Variants in WIPF1 observed in about 807,000 individuals in gnomAD.
The protein encoded by WIPF1 is WAS/WASL interacting protein family member 1, also known as WAS/WASL-interacting protein family member 1.
Under a neutral mutation model 35.4 loss-of-function variants are expected in WIPF1, and 13 were observed. That is an observed-to-expected ratio of 0.37 (90% CI 0.24 to 0.58). The LOEUF (loss-of-function observed/expected upper bound fraction) is 0.58. Ranked by LOEUF, WIPF1 falls within the 20% of genes least tolerant of loss-of-function variation. The pLI, the probability that WIPF1 is intolerant of heterozygous loss-of-function variation, is 0.74. For synonymous variants in WIPF1, 267 were observed against 266.3 expected, an observed-to-expected ratio of 1.00 and a Z score of -0.02; for missense variants, 591 against 667.0, an observed-to-expected ratio of 0.89 and a Z score of 1.25.
chr2:174,621,109 T>A (rs972292285), intron 1 of WIPF1, among the ~76,000 whole-genome samples: 3 of 152,298 alleles, frequency 2.0e-5, no homozygotes, highest in African/African-American at 7.2e-5. Context: ...CTAATGGCAG[T>A]ACGGGGAAGG....
At chr2:174,627,485 CCCTCCCTTCCTT>C (rs1201919238) in intron 1 of WIPF1, among the ~76,000 whole-genome samples, 3 of 141,238 alleles carry the variant, frequency 2.1e-5, no homozygotes, top group Admixed American at 7.4e-5. Context: ...CTCTCTTTTT[CCCTCCCTTCCTT>C]CCTCCCTTCC....
chr2:174,653,648 G>A (rs1023589991), intron 1 of WIPF1, among the ~76,000 whole-genome samples: 1 of 151,324 alleles, frequency 6.6e-6, no homozygotes, highest in African/African-American at 2.4e-5. Flanking sequence ...AGGCTGAGGC[G>A]GGAGAATGGC....
intron 1 of WIPF1, among the ~76,000 whole-genome samples, chr2:174,648,157 G>T (rs1414998924): frequency 1.3e-5 from 2 of 152,198 alleles, no homozygotes; most frequent in Non-Finnish European, 2.9e-5. Context: ...CATCTCTCGA[G>T]ATTTTATTAA....
upstream of WIPF1, among the ~76,000 whole-genome samples, chr2:174,600,940 T>C: frequency 7.1e-6 from 1 of 140,632 alleles, no homozygotes; most frequent in African/African-American, 2.7e-5. Flanking sequence ...TTTTTTTTTT[T>C]TTGAGACAGA....
At chr2:174,637,552 C>A (rs1195426569) in intron 1 of WIPF1, among the ~76,000 whole-genome samples, 1 of 152,202 alleles carries the variant, frequency 6.6e-6, no homozygotes, top group Non-Finnish European at 1.5e-5. Flanking sequence ...CTTTGGGAGG[C>A]CTAGGCGGGT....
Position 174,571,334 on chromosome 2 carries a change from C to T in WIPF1, c.1129+342G>A, listed in dbSNP as rs1684825196. The stretch of plus-strand genomic sequence containing the variant: ...GGGGACTTATTTTCCCAATTAAGAC[C>T]GCCGAAATTCTCTCTAGGGAGGCAG... On this transcript the variant is annotated intron_variant, in intron 5 of 7. Transcript: ENST00000679041. This position sits in a 1 kb window ranked among gnomAD's most constrained non-coding sequence, Gnocchi z 4.6. 1 of 518,658 alleles carries T rather than the reference C, an allele frequency of 1.9e-6. No individual in the cohort carries two copies. The highest frequency in any genetic ancestry group is 3.4e-6 in the Non-Finnish European group (1 of 294,992). 32.1% of individuals were successfully genotyped at this position (518,658 alleles called of 1,614,324 possible). A position where few individuals can be genotyped will look rare whatever the true frequency, so the allele number is the denominator to read the frequency against.
chr2:174,667,515 G>C (rs1687917581), intron 1 of WIPF1, among the ~76,000 whole-genome samples: 1 of 152,188 alleles, frequency 6.6e-6, no homozygotes, highest in South Asian at 2.1e-4. Context: ...ATAAAGAGCT[G>C]ATCTCCTCTC....
At chr2:174,580,159 A>C (rs564239608) in intron 3 of WIPF1, among the ~76,000 whole-genome samples, 1 of 151,926 alleles carries the variant, frequency 6.6e-6, no homozygotes, top group Non-Finnish European at 1.5e-5. Flanking sequence ...CAATGTTGTC[A>C]AGGCTGGTCT....
chr2:174,603,378 T>C (rs1384612339), intron 1 of WIPF1, among the ~76,000 whole-genome samples: 1 of 152,254 alleles, frequency 6.6e-6, no homozygotes, highest in Non-Finnish European at 1.5e-5. Flanking sequence ...GAGTGTTGAA[T>C]GTGACTAAGC....
chr2:174,625,179 T>C (rs1171558791), intron 1 of WIPF1, among the ~76,000 whole-genome samples: 3 of 152,182 alleles, frequency 2.0e-5, no homozygotes, highest in Admixed American at 2.0e-4. Flanking sequence ...GGAAGTTTCC[T>C]TGTGGGTTTG....
At chr2:174,608,798 C>T (rs1686253579) in intron 1 of WIPF1, among the ~76,000 whole-genome samples, 1 of 152,206 alleles carries the variant, frequency 6.6e-6, no homozygotes. Flanking sequence ...ACAATTACTT[C>T]TGGGCTGGTG....
chr2:174,657,378 T>A (rs1687661851), intron 1 of WIPF1, among the ~76,000 whole-genome samples: 1 of 152,156 alleles, frequency 6.6e-6, no homozygotes, highest in Non-Finnish European at 1.5e-5. Context: ...ATTAATAAAT[T>A]TTATGTGATA....
Position 174,678,945 on chromosome 2 carries a change from CAG to C in WIPF1, c.-39+3827_-39+3828del, listed in dbSNP as rs1276937075. On this transcript the variant is annotated intron_variant, in intron 1 of 8. Coordinates refer to the WIPF1 transcript ENST00000272746. ...GTTCTATGTTAATTTACATCGAAAGCAGTTCCTGCGTTTAGGCTTTTTTGGTA... is the reference window on the plus strand; with the variant it reads ...GTTCTATGTTAATTTACATCGAAAGCTTCCTGCGTTTAGGCTTTTTTGGTA... 3.3e-5 allele frequency among the ~76,000 whole-genome samples: 5 copies of C among 152,222 alleles called. No individual in the cohort carries two copies. The East Asian group carries it at 9.6e-4, about 29-fold the overall frequency.
chr2:174,627,757 G>C (rs1686893720), intron 1 of WIPF1, among the ~76,000 whole-genome samples: 1 of 151,958 alleles, frequency 6.6e-6, no homozygotes, highest in South Asian at 2.1e-4. Context: ...CGTTGCCCAG[G>C]CTGGTCTCGA....
At chr2:174,615,061 T>C (rs1263716910) in intron 1 of WIPF1, among the ~76,000 whole-genome samples, 2 of 152,248 alleles carry the variant, frequency 1.3e-5, no homozygotes, top group African/African-American at 4.8e-5. Context: ...GACATGTATA[T>C]AATCAGTCTT....
upstream of WIPF1, chr2:174,598,329 T>G (rs182165130): frequency 6.6e-6 from 1 of 152,134 alleles, no homozygotes; most frequent in Non-Finnish European, 1.5e-5. Flanking sequence ...TTCTTTTTTT[T>G]TAGAGAGACA....
chr2:174,628,766 T>C (rs1686925416), intron 1 of WIPF1, among the ~76,000 whole-genome samples: 1 of 152,254 alleles, frequency 6.6e-6, no homozygotes, highest in African/African-American at 2.4e-5. Flanking sequence ...TCTACCATCA[T>C]TAATGAGCTA....
chr2:174,576,230 C>CAAAAAAAAAAA (rs66562213), intron 3 of WIPF1, among the ~76,000 whole-genome samples: 37 of 98,924 alleles, frequency 3.7e-4, no homozygotes, highest in African/African-American at 1.6e-3. Flanking sequence ...TGCACTCCAG[C>CAAAAAAAAAAA]AAAAAAAAAA....
At chr2:174,611,967 T>C (rs1350565711) in intron 1 of WIPF1, among the ~76,000 whole-genome samples, 1 of 152,152 alleles carries the variant, frequency 6.6e-6, no homozygotes, top group African/African-American at 2.4e-5. Context: ...CATGATCAAC[T>C]CGCTGCAGCT....
Sources: gnomAD v4.1 joint callset for allele counts (sites outside exome capture counted in the v4.1 genomes callset) on GRCh38, gnomAD v4.1.1 for gene constraint, Gnocchi (gnomAD v3.1) non-coding constraint, MANE v1.5 for transcripts, NCBI Gene and HGNC (gene_info 2026-07-23, HGNC 2026-07-21) for gene names.